Variants in RBKS observed in about 807,000 individuals in gnomAD.
The protein encoded by RBKS is ribokinase.
RBKS carries 33 observed loss-of-function variants against 33.9 expected under a neutral mutation model. That is an observed-to-expected ratio of 0.97 (90% confidence interval 0.74 to 1.30). RBKS has a LOEUF of 1.30. Ranked by LOEUF, RBKS falls within the 50% of genes most tolerant of loss-of-function variation. The probability of loss-of-function intolerance (pLI) is 0.00; values close to 1 mark genes in which losing one functional copy is unlikely to be tolerated. For missense variants in RBKS, 361 were observed against 392.6 expected (o/e 0.92, Z 0.68); for synonymous variants, 125 against 143.0 (o/e 0.87, Z 0.90).
At chr2:27,804,443 C>T (rs1412307328) in intron 7 of RBKS, among the ~76,000 whole-genome samples, 1 of 152,168 alleles carries the variant, frequency 6.6e-6, no homozygotes, top group Non-Finnish European at 1.5e-5. Context: ...TTAAGTGGGG[C>T]CACATTTTTG....
At chr2:27,799,105 C>T (rs1400538406) in intron 7 of RBKS, among the ~76,000 whole-genome samples, 5 of 152,168 alleles carry the variant, frequency 3.3e-5, no homozygotes, top group African/African-American at 1.2e-4. Context: ...GAGGAGCACA[C>T]ACTGTCCCAG....
chr2:27,806,919 G>A (rs1317735561), intron 7 of RBKS, among the ~76,000 whole-genome samples: 1 of 152,130 alleles, frequency 6.6e-6, no homozygotes, highest in Non-Finnish European at 1.5e-5. Context: ...CGATACTGCT[G>A]GCTTTAGGGC....
At chr2:27,848,465 T>C (rs1266116752) in intron 2 of RBKS, among the ~76,000 whole-genome samples, 2 of 152,210 alleles carry the variant, frequency 1.3e-5, no homozygotes, top group Non-Finnish European at 2.9e-5. Context: ...ATCTTTGTCA[T>C]GACTTGCCTG....
At chr2:27,834,820 C>G (rs1219325995) in intron 5 of RBKS, among the ~76,000 whole-genome samples, 2 of 152,178 alleles carry the variant, frequency 1.3e-5, no homozygotes, top group African/African-American at 4.8e-5. Context: ...CTTAAAAGAT[C>G]AATTTTTTCC....
At chr2:27,866,363 T>A (rs1190424274) in intron 1 of RBKS, among the ~76,000 whole-genome samples, 1 of 152,224 alleles carries the variant, frequency 6.6e-6, no homozygotes, top group Non-Finnish European at 1.5e-5. Flanking sequence ...TATAACTGAT[T>A]TGCAGGAATT....
At chr2:27,854,389 G>A (rs940042134) in intron 2 of RBKS, among the ~76,000 whole-genome samples, 12 of 152,150 alleles carry the variant, frequency 7.9e-5, no homozygotes, top group Non-Finnish European at 1.5e-4. Context: ...GAGGCCAGCA[G>A]GTCTTATTTT....
intron 1 of RBKS, among the ~76,000 whole-genome samples, chr2:27,888,569 CT>C (rs1414358225): frequency 6.6e-6 from 1 of 152,106 alleles, no homozygotes; most frequent in Non-Finnish European, 1.5e-5. Flanking sequence ...TTTGATGAAA[CT>C]TTTTCTAAAG....
intron 4 of RBKS, among the ~76,000 whole-genome samples, chr2:27,845,495 T>C (rs573017430): frequency 5.3e-5 from 8 of 152,046 alleles, no homozygotes; most frequent in African/African-American, 1.9e-4. Flanking sequence ...ATTTTGTTCA[T>C]AGATAAGAAA....
chr2:27,788,554 A>G (rs758743339), intron 7 of RBKS, among the ~76,000 whole-genome samples: 212 of 152,266 alleles, frequency 1.4e-3, no homozygotes, highest in Non-Finnish European at 2.1e-3. Context: ...AAATACAAGA[A>G]AAATTAGCTG....
intron 1 of RBKS, among the ~76,000 whole-genome samples, chr2:27,871,195 C>A (rs892931320): frequency 2.0e-5 from 3 of 152,202 alleles, no homozygotes; most frequent in Non-Finnish European, 4.4e-5. Context: ...AACAATGATA[C>A]TCTCAGTACA....
At chr2:27,789,986 TAGAGAGAG>T (rs368946256) in intron 7 of RBKS, among the ~76,000 whole-genome samples, 4 of 130,938 alleles carry the variant, frequency 3.1e-5, no homozygotes, top group African/African-American at 5.9e-5. Flanking sequence ...TATATATATG[TAGAGAGAG>T]AGAGAGAGAG....
intron 1 of RBKS, among the ~76,000 whole-genome samples, chr2:27,877,432 G>T (rs187447781): frequency 6.6e-6 from 1 of 151,806 alleles, no homozygotes; most frequent in Non-Finnish European, 1.5e-5. Context: ...TGTCATTAGC[G>T]TCTCCATTAC....
In RBKS at chr2:27,843,048, G is replaced by A; in HGVS notation, c.514+19C>T. On this transcript the variant is annotated intron_variant, in intron 5 of 7. Transcript: ENST00000302188. ...CGATAAAAGCTTTTATAGAAAGAAT[G>A]ACAAATATGTATAATTACCTCCACT... 6.5e-7 allele frequency: 1 copy of A among 1,530,906 alleles called. No homozygotes were observed. Among genetic ancestry groups the A allele is most frequent in the Non-Finnish European group, 8.8e-7 (1 of 1,135,452 alleles). 94.8% of individuals were successfully genotyped at this position (1,530,906 alleles called of 1,614,324 possible). A position where few individuals can be genotyped will look rare whatever the true frequency, so the allele number is the denominator to read the frequency against.
At chr2:27,801,072 T>G (rs962271988) in intron 7 of RBKS, among the ~76,000 whole-genome samples, 6 of 152,284 alleles carry the variant, frequency 3.9e-5, no homozygotes, top group African/African-American at 1.4e-4. Flanking sequence ...CATTCCACTG[T>G]CTACCACAGC....
chr2:27,789,583 G>A (rs1382694478), intron 7 of RBKS, among the ~76,000 whole-genome samples: 1 of 151,084 alleles, frequency 6.6e-6, no homozygotes, highest in African/African-American at 2.4e-5. Flanking sequence ...AATTTTTTTT[G>A]AGTCAGAGTC....
Position 27,789,911 on chromosome 2 carries a change from GTGTGTT to G in RBKS, c.796-8129_796-8124del, listed in dbSNP as rs1327793352. Among the ~76,000 whole-genome samples the G allele has an allele frequency of 2.8e-4, 35 of 123,712 alleles. 2 individuals carry two copies. The highest frequency in any genetic ancestry group is 1.1e-3 in the African/African-American group (31 of 29,426). The allele number at this position is 123,712 out of a possible 152,430, so 81.2% of individuals were successfully genotyped here. On this transcript the variant is annotated intron_variant, in intron 7 of 7. Transcript: ENST00000302188. ...GTGTGTGTGTATAGAGTGTGTGTGTGTGTGTTTGTGTGTGTATATATATATATATGT... is the reference window on the plus strand; with the variant it reads ...GTGTGTGTGTATAGAGTGTGTGTGTGTGTGTGTGTATATATATATATATGT...
chr2:27,808,023 A>G lies in RBKS; in HGVS notation c.795+19544T>C, dbSNP rs75127697. Among the ~76,000 whole-genome samples, 1,206 of 152,310 alleles carry G rather than the reference A, an allele frequency of 7.9e-3. 15 individuals carry two copies. Among genetic ancestry groups the G allele is most frequent in the African/African-American group, 0.027 (1,109 of 41,566 alleles). On this transcript the variant is annotated intron_variant, in intron 7 of 7. Coordinates refer to ENST00000302188, the MANE Select transcript of RBKS (RefSeq NM_022128.3). ...ACAGCAAATGCTGACACAAATTGGTATGCCTTCTCTTCTTTGACATCAGTG... is the reference window on the plus strand; with the variant it reads ...ACAGCAAATGCTGACACAAATTGGTGTGCCTTCTCTTCTTTGACATCAGTG...
chr2:27,801,612 T>G (rs1042231795), intron 7 of RBKS, among the ~76,000 whole-genome samples: 1 of 152,042 alleles, frequency 6.6e-6, no homozygotes, highest in Non-Finnish European at 1.5e-5. Context: ...TTGGTAGGTG[T>G]GTTAGGCAGT....
chr2:27,839,988 C>A (rs1023395861), intron 5 of RBKS, among the ~76,000 whole-genome samples: 1 of 151,610 alleles, frequency 6.6e-6, no homozygotes, highest in African/African-American at 2.4e-5. Context: ...ATTCCCAAAC[C>A]AATGGTCTCC....
Sources: allele counts gnomAD v4.1 joint callset (sites outside exome capture counted in the v4.1 genomes callset), GRCh38; gene constraint gnomAD v4.1.1; transcripts MANE v1.5; gene names NCBI Gene and HGNC (gene_info 2026-07-23, HGNC 2026-07-21).